The following MRPS28 variants were observed in gnomAD, a reference collection of about 807,000 sequenced individuals.
The protein encoded by MRPS28 is mitochondrial ribosomal protein S28, also known as small ribosomal subunit protein bS1m.
A neutral mutation model predicts 10.8 loss-of-function variants in MRPS28; 7 were observed. The observed-to-expected ratio is 0.65, with a 90% CI of 0.37 to 1.22. The LOEUF is 1.22. Among genes scored for constraint, MRPS28 ranks in the 50% most tolerant of loss-of-function variants. MRPS28 has a pLI of 0.02. For missense variants in MRPS28, 265 were observed against 232.9 expected, an observed-to-expected ratio of 1.14 and a Z score of -0.90; for synonymous variants, 121 against 93.3, an observed-to-expected ratio of 1.30 and a Z score of -1.71.
At chr8:79,924,719 T>C (rs1330325241) in intron 2 of MRPS28, among the ~76,000 whole-genome samples, 2 of 152,238 alleles carry the variant, frequency 1.3e-5, no homozygotes, top group African/African-American at 4.8e-5. Flanking sequence ...AATTAACAAA[T>C]GAATCTTTAT....
intron 2 of MRPS28, among the ~76,000 whole-genome samples, chr8:79,995,959 G>C (rs1451645050): frequency 1.3e-5 from 2 of 152,120 alleles, no homozygotes; most frequent in African/African-American, 2.4e-5. Context: ...CAAAACTGCA[G>C]AACTGGAGGG....
chr8:79,995,452 T>C (rs375454817), intron 2 of MRPS28, among the ~76,000 whole-genome samples: 4 of 152,338 alleles, frequency 2.6e-5, no homozygotes, highest in East Asian at 1.9e-4. Flanking sequence ...GGATTTCGGA[T>C]TGAATAATTC....
At chr8:79,919,313 G>T (rs1004331487) in intron 2 of MRPS28, among the ~76,000 whole-genome samples, 165 bp from the exon 3 acceptor site, 1 of 149,904 alleles carries the variant, frequency 6.7e-6, no homozygotes, top group Admixed American at 6.7e-5. Flanking sequence ...TAATTTGATT[G>T]TATCAGAAAA....
At chr8:79,921,741 G>T (rs1054274510) in intron 2 of MRPS28, among the ~76,000 whole-genome samples, 4 of 152,056 alleles carry the variant, frequency 2.6e-5, no homozygotes, top group African/African-American at 9.7e-5. Flanking sequence ...GGGACAATTT[G>T]ACTTCCTCTT....
At chr8:79,928,688 G>T (rs972397592) in intron 2 of MRPS28, among the ~76,000 whole-genome samples, 20 of 151,404 alleles carry the variant, frequency 1.3e-4, no homozygotes, top group Non-Finnish European at 2.8e-4. Flanking sequence ...TGATCCATCT[G>T]CCTCGGCCTC....
intron 2 of MRPS28, among the ~76,000 whole-genome samples, chr8:79,945,572 T>C (rs1300682210): frequency 6.6e-6 from 1 of 152,210 alleles, no homozygotes; most frequent in African/African-American, 2.4e-5. Context: ...ACAGTGGTGA[T>C]GGTTGCAAAA....
At chr8:79,993,855 CTT>C (rs1424182163) in intron 2 of MRPS28, among the ~76,000 whole-genome samples, 1 of 152,208 alleles carries the variant, frequency 6.6e-6, no homozygotes, top group Admixed American at 6.5e-5. Context: ...ACATTCCACT[CTT>C]TATCTGACCC....
intron 2 of MRPS28, among the ~76,000 whole-genome samples, chr8:79,923,356 T>C (rs2129854324): frequency 6.6e-6 from 1 of 152,304 alleles, no homozygotes; most frequent in South Asian, 2.1e-4. Context: ...ATAATCCCTT[T>C]AGGAGTGGTA....
rs1419159464 is a variant in MRPS28 at position 79,939,863 on chromosome 8, G to C, written c.396-20715C>G. Among the ~76,000 whole-genome samples the C allele has an allele frequency of 1.1e-4, 16 of 152,076 alleles. No homozygotes were observed. The East Asian group carries it at 1.4e-3, about 13-fold the overall frequency. On this transcript the variant is annotated intron_variant, in intron 2 of 2. Transcript: ENST00000276585. ...CGGGCGCCTGTAGTCCCAGCTACTC[G>C]GGAGGCTGAGGCAGGAGAATGGCGT...
intron 2 of MRPS28, among the ~76,000 whole-genome samples, chr8:79,948,714 T>A (rs1387525106): frequency 6.6e-6 from 1 of 152,242 alleles, no homozygotes; most frequent in Non-Finnish European, 1.5e-5. Context: ...TTTTCTGCTT[T>A]CCTGATCATA....
intron 2 of MRPS28, among the ~76,000 whole-genome samples, chr8:79,973,424 C>T (rs1451620066): frequency 1.3e-5 from 2 of 152,274 alleles, no homozygotes; most frequent in South Asian, 2.1e-4. Flanking sequence ...CCTAGCTACT[C>T]AGGAGGCTGA....
intron 2 of MRPS28, among the ~76,000 whole-genome samples, chr8:79,946,858 C>T (rs574746226): frequency 2.0e-5 from 3 of 152,084 alleles, no homozygotes; most frequent in South Asian, 2.1e-4. Context: ...CAGAATGTTG[C>T]CTAAGTATTA....
chr8:79,987,368 A>G (rs565239489), intron 2 of MRPS28, among the ~76,000 whole-genome samples: 1 of 152,366 alleles, frequency 6.6e-6, no homozygotes, highest in East Asian at 1.9e-4. Context: ...AGGCATGGAA[A>G]AGGACTTCAT....
intron 2 of MRPS28, chr8:79,958,372 A>G (rs1807283097): frequency 2.9e-6 from 2 of 699,396 alleles, no homozygotes; most frequent in Non-Finnish European, 5.2e-6. Context: ...CAGAGTTGGA[A>G]GAAAAACAGG....
At chr8:79,920,774 C>A (rs1278376776) in intron 2 of MRPS28, among the ~76,000 whole-genome samples, 1 of 152,134 alleles carries the variant, frequency 6.6e-6, no homozygotes. Context: ...TTTTGCTGTG[C>A]AGAAGCGCTT....
intron 2 of MRPS28, among the ~76,000 whole-genome samples, chr8:79,988,046 A>C (rs374973291): frequency 2.6e-5 from 4 of 151,788 alleles, no homozygotes; most frequent in South Asian, 2.1e-4. Context: ...TGATAGACTG[A>C]ATTAAGAAAA....
chr8:80,028,406 A>G (rs926820757), intron 1 of MRPS28, among the ~76,000 whole-genome samples: 3 of 152,014 alleles, frequency 2.0e-5, no homozygotes, highest in Non-Finnish European at 4.4e-5. Context: ...AGGTGGCTTC[A>G]GGTCAATCAT....
At chr8:80,024,644 T>C (rs888105824) in intron 1 of MRPS28, among the ~76,000 whole-genome samples, 2 of 152,238 alleles carry the variant, frequency 1.3e-5, no homozygotes, top group Admixed American at 6.5e-5. Flanking sequence ...AGTCTAATAA[T>C]AGGCCATCTG....
chr8:80,014,148 T>C (rs1413123869), intron 1 of MRPS28, among the ~76,000 whole-genome samples: 1 of 152,088 alleles, frequency 6.6e-6, no homozygotes, highest in East Asian at 1.9e-4. Context: ...TGGAGCTCAG[T>C]CATGCCAGGC....
Sources: gnomAD v4.1 joint callset for allele counts (sites outside exome capture counted in the v4.1 genomes callset) on GRCh38, gnomAD v4.1.1 for gene constraint, MANE v1.5 for transcripts, NCBI Gene and HGNC (gene_info 2026-07-23, HGNC 2026-07-21) for gene names.